The following PCDH9 variants were observed in gnomAD, a reference collection of about 807,000 sequenced individuals.
The protein encoded by PCDH9 is protocadherin-9.
A neutral mutation model predicts 70.6 loss-of-function variants in PCDH9; 24 were observed. That is an observed-to-expected ratio of 0.34 (90% CI 0.25 to 0.48). The LOEUF (loss-of-function observed/expected upper bound fraction) is 0.48. Among genes scored for constraint, PCDH9 ranks in the 20% least tolerant of loss-of-function variants. The probability of loss-of-function intolerance (pLI) is 0.99; values close to 1 mark genes in which losing one functional copy is unlikely to be tolerated. For missense variants in PCDH9, 1,281 were observed against 1,503.6 expected (o/e 0.85, Z 2.45); for synonymous variants, 562 against 558.5 (o/e 1.01, Z -0.09).
chr13:67,034,521 A>G (rs2084971567), intron 2 of PCDH9, among the ~76,000 whole-genome samples: 1 of 152,052 alleles, frequency 6.6e-6, no homozygotes, highest in Non-Finnish European at 1.5e-5. Context: ...AAAAACACAA[A>G]CCAATGTACA....
intron 4 of PCDH9, among the ~76,000 whole-genome samples, chr13:66,352,121 C>G (rs765596466): frequency 4.6e-5 from 7 of 152,176 alleles, no homozygotes; most frequent in Non-Finnish European, 7.3e-5. Context: ...CAGGCATGAG[C>G]CACCGTGCCC....
chr13:66,980,096 C>A (rs770412675), intron 2 of PCDH9, among the ~76,000 whole-genome samples: 15 of 151,698 alleles, frequency 9.9e-5, no homozygotes, highest in Non-Finnish European at 1.9e-4. Flanking sequence ...ATCTATCTAT[C>A]TATCTATCTA....
At chr13:66,372,486 C>CA (rs1181733099) in intron 4 of PCDH9, among the ~76,000 whole-genome samples, 2 of 151,586 alleles carry the variant, frequency 1.3e-5, no homozygotes, top group African/African-American at 4.8e-5. Flanking sequence ...GAAAGTAAGA[C>CA]AGACTTGGTG....
intron 3 of PCDH9, among the ~76,000 whole-genome samples, chr13:66,834,651 C>T (rs1191463134): frequency 6.6e-6 from 1 of 152,168 alleles, no homozygotes; most frequent in African/African-American, 2.4e-5. Context: ...CTGTAAGATG[C>T]CAATTCATTG....
At chr13:66,598,617 A>C (rs2138838351) in intron 4 of PCDH9, among the ~76,000 whole-genome samples, 1 of 151,966 alleles carries the variant, frequency 6.6e-6, no homozygotes, top group Admixed American at 6.6e-5. Flanking sequence ...AATAAATTCA[A>C]CAGGGCCAAA....
intron 2 of PCDH9, among the ~76,000 whole-genome samples, chr13:66,973,022 T>A (rs752212994): frequency 1.1e-4 from 16 of 152,098 alleles, no homozygotes; most frequent in Non-Finnish European, 4.4e-5. Flanking sequence ...ATGTAGTATA[T>A]CCATCTTCTT....
intron 4 of PCDH9, among the ~76,000 whole-genome samples, chr13:66,402,115 C>T (rs529894394): frequency 1.3e-5 from 2 of 152,100 alleles, no homozygotes; most frequent in South Asian, 4.1e-4. Flanking sequence ...TAAGTTATTC[C>T]CCTTTCTCAC....
chr13:66,830,630 G>A (rs1232271508), intron 3 of PCDH9, among the ~76,000 whole-genome samples: 1 of 152,110 alleles, frequency 6.6e-6, no homozygotes, highest in East Asian at 1.9e-4. Context: ...AATTGTAGCT[G>A]TCCATATAGT....
At chr13:67,081,681 A>G (rs899426189) in intron 2 of PCDH9, among the ~76,000 whole-genome samples, 3 of 152,198 alleles carry the variant, frequency 2.0e-5, no homozygotes, top group African/African-American at 7.2e-5. Flanking sequence ...TGTTGAAACC[A>G]TAAAAGTATT....
chr13:66,854,432 G>A (rs1196098818), intron 3 of PCDH9, among the ~76,000 whole-genome samples: 1 of 152,130 alleles, frequency 6.6e-6, no homozygotes, highest in African/African-American at 2.4e-5. Flanking sequence ...ATTCGTGAAT[G>A]TATATACTTG....
At chr13:66,588,191 C>T (rs1388452215) in intron 4 of PCDH9, among the ~76,000 whole-genome samples, 1 of 151,824 alleles carries the variant, frequency 6.6e-6, no homozygotes, top group African/African-American at 2.4e-5. Flanking sequence ...CTCCTACATG[C>T]CACTCTTGTT....
At chr13:66,686,183 G>T (rs111258780) in intron 3 of PCDH9, among the ~76,000 whole-genome samples, 1,730 of 152,214 alleles carry the variant, frequency 0.011, 37 homozygotes, top group African/African-American at 0.039. Context: ...GTCATGAGAG[G>T]GACCCAGTGG....
intron 4 of PCDH9, among the ~76,000 whole-genome samples, chr13:66,459,565 C>A (rs1958383763): frequency 6.6e-6 from 1 of 151,436 alleles, no homozygotes. Context: ...TGTAAAACCA[C>A]AAAACAGATG....
At chr13:66,908,218 G>T (rs963846676) in intron 2 of PCDH9, among the ~76,000 whole-genome samples, 5 of 152,134 alleles carry the variant, frequency 3.3e-5, no homozygotes, top group Admixed American at 3.3e-4. Context: ...TAATGCAAAT[G>T]GCAGTTCTCA....
chr13:66,633,296 T>A (rs562013944), intron 3 of PCDH9, among the ~76,000 whole-genome samples: 33 of 152,310 alleles, frequency 2.2e-4, no homozygotes, highest in Non-Finnish European at 4.1e-4. Flanking sequence ...TTCTCAAAGG[T>A]TTTGAAACGT....
At chr13:67,194,848 G>A (rs1435920672) in intron 2 of PCDH9, among the ~76,000 whole-genome samples, 1 of 151,786 alleles carries the variant, frequency 6.6e-6, no homozygotes, top group African/African-American at 2.4e-5. Flanking sequence ...TCGAAATATA[G>A]GAACAAAACA....
At chr13:66,848,655 G>A (rs1023359960) in intron 3 of PCDH9, among the ~76,000 whole-genome samples, 4 of 151,894 alleles carry the variant, frequency 2.6e-5, no homozygotes, top group African/African-American at 9.7e-5. Flanking sequence ...TCGGCCGGGC[G>A]CGGTGGCTTA....
chr13:66,815,996 T>C (rs937840743), intron 3 of PCDH9, among the ~76,000 whole-genome samples: 3 of 152,214 alleles, frequency 2.0e-5, no homozygotes, highest in African/African-American at 7.2e-5. Flanking sequence ...AAATATTACA[T>C]TGGGCTTGTC....
intron 4 of PCDH9, among the ~76,000 whole-genome samples, chr13:66,375,792 T>C (rs1157688726): frequency 6.6e-6 from 1 of 152,078 alleles, no homozygotes; most frequent in East Asian, 1.9e-4. Flanking sequence ...CAAGAGGATA[T>C]ATTCCCCCTC....
Sources: allele counts gnomAD v4.1 joint callset (sites outside exome capture counted in the v4.1 genomes callset), GRCh38; gene constraint gnomAD v4.1.1; transcripts MANE v1.5; gene names NCBI Gene and HGNC (gene_info 2026-07-23, HGNC 2026-07-21).